TNC: variants seen among roughly 807,000 people sequenced by gnomAD.
TNC encodes tenascin.
TNC carries 109 observed loss-of-function variants against 202.4 expected under a neutral mutation model. The ratio of observed to expected loss-of-function variants is 0.54; its 90% CI spans 0.46 to 0.63. TNC has a LOEUF of 0.63. Among genes scored for constraint, TNC ranks in the 30% least tolerant of loss-of-function variants. The pLI is 0.00. For synonymous variants in TNC, 1,007 were observed against 1,089.7 expected (o/e 0.92, Z 1.50); for missense variants, 2,756 against 2,833.3 (o/e 0.97, Z 0.62).
At chr9:115,028,953 AAAAAAAAAAGAAAGT>A (rs1829729398) in intron 25 of TNC, among the ~76,000 whole-genome samples, 1 of 106,404 alleles carries the variant, frequency 9.4e-6, no homozygotes, top group African/African-American at 3.9e-5. Flanking sequence ...AAAAAAAAAA[AAAAAAAAAAGAAAGT>A]CATGGACCAC....
intron 2 of TNC, among the ~76,000 whole-genome samples, chr9:115,087,513 T>G (rs1465357456): frequency 6.9e-6 from 1 of 145,932 alleles, no homozygotes; most frequent in Non-Finnish European, 1.5e-5. Flanking sequence ...AAACAGTGTG[T>G]GATTATGCAT....
At chr9:115,031,802 A>G (rs1588007370) in intron 22 of TNC, 117 bp from the exon 23 acceptor site, 1 of 1,310,090 alleles carries the variant, frequency 7.6e-7, no homozygotes, top group Non-Finnish European at 1.0e-6. Context: ...TTACTGGACA[A>G]GAATTCATTG....
chr9:115,037,099 T>C (rs565233349), intron 20 of TNC, among the ~76,000 whole-genome samples: 1 of 152,054 alleles, frequency 6.6e-6, no homozygotes, highest in East Asian at 1.9e-4. Flanking sequence ...AATTAAAGAG[T>C]AAAAAGAATA....
chr9:115,080,682 G>T (rs551936593), intron 6 of TNC, among the ~76,000 whole-genome samples: 1 of 152,016 alleles, frequency 6.6e-6, no homozygotes, highest in African/African-American at 2.4e-5. Flanking sequence ...AGGCCGAGGC[G>T]GGTGGATCAC....
rs34490502 is a variant in TNC, at chr9:115,020,557, T to TAA, written c.*598_*599dup. On this transcript the variant is annotated 3_prime_UTR_variant, in exon 28 of 28. Transcript: ENST00000350763. Reference sequence around the variant, plus strand: ...ACTCAAAAGTACTTGTGCTTTTATTTAAAAAAAAAATACAATCAGGTACTG... The same window carrying TAA: ...ACTCAAAAGTACTTGTGCTTTTATTTAAAAAAAAAAAATACAATCAGGTACTG... 781 of 233,682 alleles carry TAA rather than the reference T, an allele frequency of 3.3e-3. 2 individuals carry two copies. The highest frequency in any genetic ancestry group is 4.9e-3 in the South Asian group (100 of 20,490). The allele number at this position is 233,682 out of a possible 1,614,324, so 14.5% of individuals were successfully genotyped here. A position where few individuals can be genotyped will look rare whatever the true frequency, so the allele number is the denominator to read the frequency against.
At chr9:115,023,160 G>C (rs1248798488) in intron 27 of TNC, among the ~76,000 whole-genome samples, 1 of 152,140 alleles carries the variant, frequency 6.6e-6, no homozygotes, top group African/African-American at 2.4e-5. Context: ...ATTCCAGTGA[G>C]CAGACCTCAT....
At chr9:115,117,312 G>C (rs1029596180) in intron 1 of TNC, among the ~76,000 whole-genome samples, 4 of 152,098 alleles carry the variant, frequency 2.6e-5, no homozygotes, top group Admixed American at 2.6e-4. Flanking sequence ...AGGTGAGGAG[G>C]AGGAGGTGAT....
At chr9:115,043,736 A>AAAAC (rs3035491) in intron 17 of TNC, among the ~76,000 whole-genome samples, 96,385 of 150,808 alleles carry the variant, frequency 0.64, 31,533 homozygotes, top group African/African-American at 0.78. Context: ...TAACTGGGAA[A>AAAAC]AAACAAACAA....
intron 11 of TNC, 136 bp downstream of exon 11, chr9:115,064,511 C>T (rs959083188): frequency 1.6e-5 from 18 of 1,139,698 alleles, no homozygotes; most frequent in Non-Finnish European, 2.2e-5. Context: ...AGCGTGATGG[C>T]CTCGTGTCAC....
rs112399292 is a variant in TNC, at chr9:115,086,192, G to A, written c.1539C>T (p.Asp513=). 149 of 1,613,994 alleles carry A rather than the reference G, an allele frequency of 9.2e-5. No individual in the cohort carries two copies. The African/African-American group carries it at 1.4e-3, about 15-fold the overall frequency. The part of the protein sequence containing the change: ...RDCSNRGLCV[D]GQCVCEDGFT... ...AGCCGTCCTCACAGACGCACTGTCC[G>A]TCCACACAGAGGCCCCTGTTGCTGC... is the stretch of plus-strand genomic sequence containing the variant. The change falls in exon 3 of 28, where the codon GAC becomes GAT. Residue 513 remains aspartate (D), a synonymous_variant. Transcript: ENST00000350763.
At position 115,057,280 on chromosome 9, in the gene TNC, A is replaced by G; in HGVS notation, c.4452T>C (p.Tyr1484=). 6.2e-7 allele frequency: 1 copy of G among 1,614,206 alleles called. No homozygotes were observed. The highest frequency in any genetic ancestry group is 8.5e-7 in the Non-Finnish European group (1 of 1,180,036). ...CAGTTCGTTCAGCACCAGAGATATT[A>G]TATTCCACAGTCTCCAGCAACCTAT... ...DSNRLLETVE[Y]NISGAERTAH... The change falls in exon 15 of 28, where the codon TAT becomes TAC. Residue 1484 remains tyrosine (Y), a synonymous_variant. Coordinates refer to ENST00000350763, the MANE Select transcript of TNC (RefSeq NM_002160.4).
intron 9 of TNC, among the ~76,000 whole-genome samples, chr9:115,074,447 A>G (rs1291881653): frequency 6.6e-6 from 1 of 152,222 alleles, no homozygotes; most frequent in Non-Finnish European, 1.5e-5. Flanking sequence ...ATCAGACACC[A>G]AATCTGCTGG....
Position 115,084,323 on chromosome 9 carries a change from C to T in TNC, c.2017G>A (p.Asp673Asn). 1.2e-6 allele frequency: 2 copies of T among 1,613,948 alleles called. No homozygotes were observed. The highest frequency in any genetic ancestry group is 1.7e-6 in the Non-Finnish European group (2 of 1,179,864). ...GLEMQFRVPG[D>N]QTSTIIQELE... is the part of the protein sequence containing the mutation. Reference sequence around the variant, plus strand: ...TCCTGGATGATGGTGGACGTCTGGTCCCCAGGCACACGGAACTGCATTTCC... The same window carrying T: ...TCCTGGATGATGGTGGACGTCTGGTTCCCAGGCACACGGAACTGCATTTCC... The change falls in exon 4 of 28, where the codon GAC (aspartate) becomes AAC (asparagine). Residue 673 changes from aspartate to asparagine, a missense_variant. Around this residue, in one of 2 missense-constraint regions of TNC, gnomAD observed 2,559 missense variants for 2,546.0 expected, o/e 1.01. Transcript: ENST00000350763.
At position 115,025,101 on chromosome 9, in the gene TNC, G is replaced by A. The variant is rs140011226; in HGVS notation, c.6332-965C>T. 7.9e-3 allele frequency among the ~76,000 whole-genome samples: 1,205 copies of A among 152,258 alleles called. 18 individuals are homozygous for A. The highest frequency in any genetic ancestry group is 0.027 in the African/African-American group (1,121 of 41,538). On this transcript the variant is annotated intron_variant, in intron 26 of 27. Transcript: ENST00000350763. ...CACAAGAAAATGCAGCCTTACAAAC[G>A]TTATCTCAGTAAAGGGAAATATTAT...
intron 15 of TNC, among the ~76,000 whole-genome samples, chr9:115,056,698 A>G (rs1832152192): frequency 6.6e-6 from 1 of 152,184 alleles, no homozygotes; most frequent in African/African-American, 2.4e-5. Flanking sequence ...ACCCAACACC[A>G]TCAACATGAT....
intron 26 of TNC, among the ~76,000 whole-genome samples, chr9:115,024,924 C>T (rs1464114356): frequency 1.3e-5 from 2 of 152,200 alleles, no homozygotes; most frequent in African/African-American, 4.8e-5. Flanking sequence ...TTTCAAGACT[C>T]TGAGGCATTC....
intron 22 of TNC, among the ~76,000 whole-genome samples, chr9:115,033,695 A>G (rs1028458456): frequency 7.9e-5 from 12 of 152,232 alleles, no homozygotes; most frequent in South Asian, 2.1e-4. Context: ...GACAGATTGG[A>G]TACAGCCACT....
At chr9:115,093,672 G>A (rs1835400720) in intron 1 of TNC, among the ~76,000 whole-genome samples, 1 of 137,692 alleles carries the variant, frequency 7.3e-6, no homozygotes, top group Admixed American at 7.4e-5. Flanking sequence ...AAATGTTTTT[G>A]GACTTCTCCC....
At chr9:115,102,404 G>A (rs1391755741) in intron 1 of TNC, among the ~76,000 whole-genome samples, 3 of 152,206 alleles carry the variant, frequency 2.0e-5, no homozygotes, top group African/African-American at 7.2e-5. Flanking sequence ...ATACATTTGG[G>A]ATGCTTCCAT....
Sources: gnomAD v4.1 joint callset for allele counts (sites outside exome capture counted in the v4.1 genomes callset) on GRCh38, gnomAD v4.1.1 for gene constraint, gnomAD v4.1.1 regional missense constraint, MANE v1.5 for transcripts, NCBI Gene and HGNC (gene_info 2026-07-23, HGNC 2026-07-21) for gene names.